PCDH15: variants seen among roughly 807,000 people sequenced by gnomAD.
PCDH15 encodes the protein protocadherin related 15.
In PCDH15, 129 loss-of-function variants were observed where a neutral mutation model predicts 178.5. The observed-to-expected ratio is 0.72, with a 90% CI of 0.63 to 0.84. The LOEUF (loss-of-function observed/expected upper bound fraction) is 0.84, where lower values mean the gene tolerates loss of function less well. Among genes scored for constraint, PCDH15 ranks in the 40% least tolerant of loss-of-function variants. The pLI, the probability that PCDH15 is intolerant of heterozygous loss-of-function variation, is 0.00. For synonymous variants in PCDH15, 800 were observed against 732.0 expected, an observed-to-expected ratio of 1.09 and a Z score of -1.50; for missense variants, 2,230 against 2,099.9, an observed-to-expected ratio of 1.06 and a Z score of -1.21.
At chr10:55,497,234 A>T (rs1314324736) in intron 2 of PCDH15, among the ~76,000 whole-genome samples, 1 of 151,638 alleles carries the variant, frequency 6.6e-6, no homozygotes, top group Non-Finnish European at 1.5e-5. Context: ...GTCTCAAGAG[A>T]TTCTCCCACC....
intron 10 of PCDH15, among the ~76,000 whole-genome samples, chr10:54,201,167 A>T (rs1012167124): frequency 3.3e-5 from 5 of 152,156 alleles, no homozygotes; most frequent in African/African-American, 1.2e-4. Context: ...AGTGAAAACC[A>T]CTTTTTTGAA....
intron 1 of PCDH15, among the ~76,000 whole-genome samples, chr10:55,306,155 G>A (rs1399819148): frequency 1.3e-5 from 2 of 152,090 alleles, no homozygotes; most frequent in African/African-American, 4.8e-5. Context: ...TCAATCAAGA[G>A]TTTACCGTAA....
At chr10:55,219,514 T>C (rs1202170645) in intron 1 of PCDH15, among the ~76,000 whole-genome samples, 1 of 151,660 alleles carries the variant, frequency 6.6e-6, no homozygotes, top group Non-Finnish European at 1.5e-5. Context: ...ACTCTCACTT[T>C]TTTTTCCTGT....
At chr10:53,949,362 C>T (rs756417655) in intron 23 of PCDH15, among the ~76,000 whole-genome samples, 7 of 152,174 alleles carry the variant, frequency 4.6e-5, no homozygotes, top group Non-Finnish European at 7.3e-5. Flanking sequence ...TTTTAGCAAT[C>T]GAGTTATGCT....
At chr10:55,352,433 C>T (rs1174964373) in intron 2 of PCDH15, among the ~76,000 whole-genome samples, 2 of 151,972 alleles carry the variant, frequency 1.3e-5, no homozygotes, top group Non-Finnish European at 2.9e-5. Flanking sequence ...AGAAGTTTTG[C>T]AATGGAGATG....
intron 8 of PCDH15, among the ~76,000 whole-genome samples, chr10:54,257,361 T>C (rs1490912384): frequency 6.6e-6 from 1 of 151,368 alleles, no homozygotes; most frequent in Non-Finnish European, 1.5e-5. Context: ...TTTATTTCAT[T>C]TGTGCCTCAT....
At chr10:55,338,116 C>A (rs1050730332) in intron 2 of PCDH15, among the ~76,000 whole-genome samples, 1 of 151,846 alleles carries the variant, frequency 6.6e-6, no homozygotes, top group Non-Finnish European at 1.5e-5. Flanking sequence ...ATCATCTCAC[C>A]CCAGTTAAAA....
At chr10:55,300,401 C>T (rs1211574623) in intron 1 of PCDH15, among the ~76,000 whole-genome samples, 1 of 152,104 alleles carries the variant, frequency 6.6e-6, no homozygotes, top group Non-Finnish European at 1.5e-5. Context: ...AGAGATACAA[C>T]CTGTAGGCAC....
chr10:55,193,648 T>A (rs1216950620), intron 1 of PCDH15, among the ~76,000 whole-genome samples: 1 of 152,024 alleles, frequency 6.6e-6, no homozygotes, highest in African/African-American at 2.4e-5. Flanking sequence ...TATGCTAAGT[T>A]ACATTTAATC....
chr10:55,426,359 G>A (rs1838754684), intron 2 of PCDH15, among the ~76,000 whole-genome samples: 1 of 152,046 alleles, frequency 6.6e-6, no homozygotes, highest in African/African-American at 2.4e-5. Context: ...CTCTGGTGCC[G>A]GCAGGGGTGA....
intron 2 of PCDH15, among the ~76,000 whole-genome samples, chr10:55,089,135 A>C (rs887989685): frequency 6.6e-6 from 1 of 152,162 alleles, no homozygotes; most frequent in African/African-American, 2.4e-5. Flanking sequence ...GTATTTTTAA[A>C]TTGTCCAGTA....
chr10:54,664,641 C>G (rs1269197980), intron 1 of PCDH15, among the ~76,000 whole-genome samples: 2 of 151,880 alleles, frequency 1.3e-5, no homozygotes, highest in Non-Finnish European at 2.9e-5. Flanking sequence ...ATGTTGTCTA[C>G]AGCATAATTT....
At chr10:54,024,869 C>A (rs1162816861) in intron 18 of PCDH15, among the ~76,000 whole-genome samples, 1 of 151,882 alleles carries the variant, frequency 6.6e-6, no homozygotes, top group Non-Finnish European at 1.5e-5. Context: ...AGGGTGATCT[C>A]TTTTTTTGGT....
intron 1 of PCDH15, among the ~76,000 whole-genome samples, chr10:54,729,108 C>T (rs988101838): frequency 1.8e-4 from 27 of 151,626 alleles, no homozygotes; most frequent in African/African-American, 6.5e-4. Context: ...GCCTGAATAG[C>T]CAAAGCAATC....
At chr10:55,278,308 T>C (rs1433066732) in intron 1 of PCDH15, among the ~76,000 whole-genome samples, 2 of 152,198 alleles carry the variant, frequency 1.3e-5, no homozygotes, top group African/African-American at 4.8e-5. Context: ...AGACAGTTTA[T>C]ACATATATAT....
intron 1 of PCDH15, among the ~76,000 whole-genome samples, chr10:55,231,398 A>C (rs1048104011): frequency 6.6e-6 from 1 of 151,992 alleles, no homozygotes; most frequent in African/African-American, 2.4e-5. Flanking sequence ...TGTTCCATTT[A>C]GTTCATTATT....
intron 1 of PCDH15, among the ~76,000 whole-genome samples, chr10:54,740,990 T>C (rs1046286758): frequency 1.3e-5 from 2 of 151,884 alleles, no homozygotes; most frequent in East Asian, 3.9e-4. Flanking sequence ...TAACTTATTG[T>C]ACATTTAAAA....
intron 2 of PCDH15, among the ~76,000 whole-genome samples, chr10:55,432,290 T>G (rs182047657): frequency 8.7e-4 from 132 of 152,334 alleles, no homozygotes; most frequent in African/African-American, 3.0e-3. Flanking sequence ...GAGGCTGGTG[T>G]GGCTGAGATA....
chr10:55,427,830 A>G (rs908358743), intron 2 of PCDH15, among the ~76,000 whole-genome samples: 2 of 152,110 alleles, frequency 1.3e-5, no homozygotes, highest in African/African-American at 4.8e-5. Context: ...TATCCATTTC[A>G]CAGTTTTATT....
Sources: gnomAD v4.1 joint callset for allele counts (sites outside exome capture counted in the v4.1 genomes callset) on GRCh38, gnomAD v4.1.1 for gene constraint, MANE v1.5 for transcripts, NCBI Gene and HGNC (gene_info 2026-07-23, HGNC 2026-07-21) for gene names.